Variants in CCDC180 observed in about 807,000 individuals in gnomAD.
CCDC180 encodes coiled-coil domain containing 180, also known as coiled-coil domain-containing protein 180.
Under a neutral mutation model 209.2 loss-of-function variants are expected in CCDC180, and 154 were observed. The observed-to-expected ratio is 0.74, with a 90% CI of 0.65 to 0.84. CCDC180 has a LOEUF of 0.84. Ranked by LOEUF, CCDC180 falls within the 40% of genes least tolerant of loss-of-function variation. CCDC180 has a pLI of 0.00. For synonymous variants in CCDC180, 778 were observed against 749.1 expected, an observed-to-expected ratio of 1.04 and a Z score of -0.63; for missense variants, 1,874 against 1,997.3, an observed-to-expected ratio of 0.94 and a Z score of 1.18.
chr9:97,307,756 A>G lies in CCDC180; in HGVS notation c.-132A>G, dbSNP rs143152642. The stretch of plus-strand genomic sequence containing the variant: ...CCCAGAGTCCCTTCGGATTTGCGCC[A>G]TGCGCGGCGGGGAGAACCGGCCTCC... On this transcript the variant is annotated 5_prime_UTR_variant, in exon 1 of 37. The change abolishes an upstream ATG in the 5' untranslated region. Transcript: ENST00000529487. 3 of 1,614,104 alleles carry G rather than the reference A, an allele frequency of 1.9e-6. No individual in the cohort carries two copies. The highest frequency in any genetic ancestry group is 2.5e-6 in the Non-Finnish European group (3 of 1,180,046).
chr9:97,314,623 G>T lies in CCDC180; in HGVS notation c.594G>T (p.Leu198=). 6.2e-7 allele frequency: 1 copy of T among 1,614,058 alleles called. No homozygotes were observed. The highest frequency in any genetic ancestry group is 1.1e-5 in the South Asian group (1 of 91,076). Residue 198 remains leucine (L), a synonymous_variant, in exon 7 of 37, where the codon CTG becomes CTT. Transcript: ENST00000529487. ...TNLEDYTIQA[L]LELWDKVAGR... ...ACCCAAACTTCTCTGCGTAGGCCCT[G>T]CTGGAGCTGTGGGATAAGGTGGCCG...
chr9:97,331,697 C>T (rs1358994433), intron 18 of CCDC180, among the ~76,000 whole-genome samples: 2 of 144,732 alleles, frequency 1.4e-5, no homozygotes, highest in Non-Finnish European at 3.0e-5. Context: ...ACATGTATGT[C>T]TACTTTTGAA....
chr9:97,333,511 T>TTTG (rs1825811059), intron 18 of CCDC180, among the ~76,000 whole-genome samples: 1 of 149,006 alleles, frequency 6.7e-6, no homozygotes, highest in Admixed American at 6.7e-5. Context: ...GGGTTTTTTT[T>TTTG]TTTTTTTTTT....
In CCDC180 at chr9:97,325,051, G is replaced by T. The variant is rs867380721; in HGVS notation, c.1404G>T (p.Glu468Asp). 5.0e-6 allele frequency: 8 copies of T among 1,614,086 alleles called. No individual in the cohort carries two copies. The Middle Eastern group carries it at 1.3e-3, about 267-fold the overall frequency. Residue 468 changes from glutamate (E) to aspartate (D), a missense_variant, in exon 14 of 37, where the codon GAG becomes GAT. Physicochemically the swap from Glu to Asp is conservative, Grantham distance 45. Transcript: ENST00000529487. ...TCGAGACTCTGGCAGATCAGACAGA[G>T]TGGCAGAGTTCACACCTCTTCAAGT... ...KSFETLADQT[E>D]WQSSHLFKYF... is the part of the protein sequence containing the mutation.
At chr9:97,332,164 G>C (rs1825774519) in intron 18 of CCDC180, among the ~76,000 whole-genome samples, 2 of 152,100 alleles carry the variant, frequency 1.3e-5, no homozygotes, top group South Asian at 4.1e-4. Flanking sequence ...CTCACTGCTT[G>C]TTTTTGTCAG....
chr9:97,338,303 C>G (rs998608595), intron 18 of CCDC180, among the ~76,000 whole-genome samples: 18 of 152,268 alleles, frequency 1.2e-4, no homozygotes, highest in African/African-American at 4.3e-4. Context: ...GCATTTAGTG[C>G]TATAAATTTC....
chr9:97,326,266 A>G (rs879779864), intron 14 of CCDC180, among the ~76,000 whole-genome samples: 1 of 152,104 alleles, frequency 6.6e-6, no homozygotes, highest in Non-Finnish European at 1.5e-5. Context: ...AGGCCTGACC[A>G]GGTGGGCGGG....
chr9:97,338,298 T>C (rs1018980319), intron 18 of CCDC180, among the ~76,000 whole-genome samples: 4 of 152,242 alleles, frequency 2.6e-5, no homozygotes, highest in African/African-American at 9.6e-5. Flanking sequence ...TGTGGGCATT[T>C]AGTGCTATAA....
chr9:97,318,866 G>A (rs1167744013), intron 10 of CCDC180, among the ~76,000 whole-genome samples: 1 of 152,202 alleles, frequency 6.6e-6, no homozygotes, highest in Admixed American at 6.5e-5. Context: ...CGCAGGAACT[G>A]TGGCCAGGTG....
At position 97,314,561 on chromosome 9, in the gene CCDC180, C is replaced by T. The variant is rs372943821; in HGVS notation, c.588+40C>T. 9.9e-6 allele frequency: 16 copies of T among 1,613,394 alleles called. No individual in the cohort carries two copies. In the African/African-American group the frequency reaches 1.7e-4, roughly 18 times the overall value. On this transcript the variant is annotated intron_variant, in intron 6 of 36. Transcript: ENST00000529487. ...GTGGCTGGGCCTGCCCCACCCAGGT[C>T]CTGCTTCTTCCCTGCCTCCCACCGG...
chr9:97,374,667 A>G lies in CCDC180; in HGVS notation c.4706+19A>G. 6.3e-7 allele frequency: 1 copy of G among 1,593,416 alleles called. No homozygotes were observed. The highest frequency in any genetic ancestry group is 8.6e-7 in the Non-Finnish European group (1 of 1,161,472). On this transcript the variant is annotated intron_variant, in intron 35 of 36. Coordinates refer to ENST00000529487, the MANE Select transcript of CCDC180 (RefSeq NM_020893.6). ...GAAGCAGGTGAGAACCAAGAGCAGC[A>G]AGGACTACTGTAAATGGCTGTATCT...
chr9:97,340,885 G>A (rs572763413), intron 18 of CCDC180, among the ~76,000 whole-genome samples: 47 of 152,318 alleles, frequency 3.1e-4, no homozygotes, highest in Non-Finnish European at 7.3e-5. Flanking sequence ...CTTGCCCACA[G>A]TTATCCGGAG....
intron 9 of CCDC180, 138 bp from the exon 10 acceptor site, chr9:97,318,325 G>T: frequency 2.1e-6 from 2 of 950,030 alleles, no homozygotes; most frequent in East Asian, 3.4e-5. Flanking sequence ...GGCAAAGTCT[G>T]GGGAGGAAGG....
rs780236183 is a variant in CCDC180, at chr9:97,361,878, T to C, written c.3636T>C (p.Asp1212=). ...GKPLIEDPAV[D]VIRKLLQLPN... is the part of the protein sequence containing the mutation. ...CCCTGATTGAGGACCCAGCTGTGGA[T>C]GTGATCAGGAAGCTCCTGCAGTGAG... Residue 1212 remains aspartate, a synonymous_variant, in exon 27 of 37, where the codon GAT becomes GAC. Transcript: ENST00000529487. 1 of 1,614,048 alleles carries C rather than the reference T, an allele frequency of 6.2e-7. No individual in the cohort carries two copies. The highest frequency in any genetic ancestry group is 1.1e-5 in the South Asian group (1 of 91,076).
At chr9:97,341,555 A>C (rs1826079259) in intron 18 of CCDC180, among the ~76,000 whole-genome samples, 1 of 152,098 alleles carries the variant, frequency 6.6e-6, no homozygotes, top group Non-Finnish European at 1.5e-5. Context: ...TGGAAGCTTC[A>C]TCTCAGAGGG....
intron 11 of CCDC180, among the ~76,000 whole-genome samples, 168 bp from the exon 12 acceptor site, chr9:97,322,665 T>A (rs1833396390): frequency 6.6e-6 from 1 of 152,202 alleles, no homozygotes; most frequent in African/African-American, 2.4e-5. Flanking sequence ...TCTTGGGATG[T>A]CAGGAACTTT....
At chr9:97,356,859 C>T (rs1422963663) in intron 24 of CCDC180, among the ~76,000 whole-genome samples, 1 of 152,126 alleles carries the variant, frequency 6.6e-6, no homozygotes, top group Non-Finnish European at 1.5e-5. Context: ...TAGCATAACC[C>T]CTGTTTAAGA....
chr9:97,323,687 C>A, intron 12 of CCDC180, 94 bp from the exon 13 acceptor site: 1 of 1,403,840 alleles, frequency 7.1e-7, no homozygotes, highest in Non-Finnish European at 9.5e-7. Context: ...GAGCTCAGGT[C>A]TGACTTGTGC....
intron 30 of CCDC180, 117 bp downstream of exon 30, chr9:97,365,856 G>A: frequency 7.0e-6 from 6 of 852,238 alleles, no homozygotes; most frequent in Non-Finnish European, 1.1e-5. Flanking sequence ...CCCCCGCCAT[G>A]ACCACAGCTC....
Sources: gnomAD v4.1 joint callset for allele counts (sites outside exome capture counted in the v4.1 genomes callset) on GRCh38, gnomAD v4.1.1 for gene constraint, MANE v1.5 for transcripts, NCBI Gene and HGNC (gene_info 2026-07-23, HGNC 2026-07-21) for gene names.